Variants in ADAMTS16 observed in about 807,000 individuals in gnomAD.
The protein encoded by ADAMTS16 is A disintegrin and metalloproteinase with thrombospondin motifs 16.
ADAMTS16 carries 94 observed loss-of-function variants against 145.8 expected under a neutral mutation model. The observed-to-expected ratio is 0.64, with a 90% CI of 0.55 to 0.77. The LOEUF is 0.77. ADAMTS16 is among the 30% of genes least tolerant of loss of function. The pLI, the probability that ADAMTS16 is intolerant of heterozygous loss-of-function variation, is 0.00. For synonymous variants in ADAMTS16, 659 were observed against 604.3 expected (o/e 1.09, Z -1.33); for missense variants, 1,585 against 1,591.5 (o/e 1.00, Z 0.07).
chr5:5,198,196 C>T (rs566369030), intron 8 of ADAMTS16, among the ~76,000 whole-genome samples: 1 of 152,252 alleles, frequency 6.6e-6, no homozygotes, highest in Admixed American at 6.5e-5. Flanking sequence ...GGCCAGCCAG[C>T]GGAGGGTAGT....
At chr5:5,229,929 G>A (rs945103591) in intron 11 of ADAMTS16, among the ~76,000 whole-genome samples, 13 of 152,252 alleles carry the variant, frequency 8.5e-5, no homozygotes, top group African/African-American at 2.9e-4. Context: ...GAAGCTGATG[G>A]GGACCTTTGC....
At chr5:5,240,536 G>A (rs574221308) in intron 16 of ADAMTS16, among the ~76,000 whole-genome samples, 1 of 152,202 alleles carries the variant, frequency 6.6e-6, no homozygotes, top group Non-Finnish European at 1.5e-5. Context: ...GGCAGTGGAT[G>A]TTCTAACTCC....
At chr5:5,303,806 C>T (rs746808077) in intron 20 of ADAMTS16, 40 bp downstream of exon 20, 1 of 1,599,216 alleles carries the variant, frequency 6.3e-7, no homozygotes, top group Non-Finnish European at 8.5e-7. Flanking sequence ...TTGACTAGCT[C>T]TCCCCTCGGG....
At chr5:5,218,655 A>T (rs1736503995) in intron 10 of ADAMTS16, among the ~76,000 whole-genome samples, 1 of 152,162 alleles carries the variant, frequency 6.6e-6, no homozygotes, top group Non-Finnish European at 1.5e-5. Flanking sequence ...AAACTGGGTC[A>T]CCCCTGTGGC....
chr5:5,289,121 T>C (rs1739208009), intron 18 of ADAMTS16, among the ~76,000 whole-genome samples: 1 of 152,220 alleles, frequency 6.6e-6, no homozygotes, highest in Non-Finnish European at 1.5e-5. Context: ...TATGTCACCT[T>C]TCTGCACTTC....
At chr5:5,250,614 G>T (rs1470199254) in intron 17 of ADAMTS16, among the ~76,000 whole-genome samples, 1 of 152,208 alleles carries the variant, frequency 6.6e-6, no homozygotes. Flanking sequence ...GATGGATGGT[G>T]TGGTGGAGAG....
At chr5:5,189,896 T>C (rs1009020700) in intron 6 of ADAMTS16, 75 bp from the exon 7 acceptor site, 3 of 1,556,824 alleles carry the variant, frequency 1.9e-6, no homozygotes, top group African/African-American at 2.7e-5. Flanking sequence ...AATAATAGTT[T>C]GCTGTGATGA....
intron 18 of ADAMTS16, among the ~76,000 whole-genome samples, chr5:5,263,240 G>A (rs1173331256): frequency 6.6e-6 from 1 of 152,180 alleles, no homozygotes; most frequent in African/African-American, 2.4e-5. Context: ...GCCACAGAAA[G>A]CCAGGGCTCT....
rs189136964 is a variant in ADAMTS16, at chr5:5,245,410, G to A, written c.2662+3219G>A. Among the ~76,000 whole-genome samples, 695 of 152,244 alleles carry A rather than the reference G, an allele frequency of 4.6e-3. 11 individuals are homozygous for A. Among genetic ancestry groups the A allele is most frequent in the African/African-American group, 0.015 (644 of 41,556 alleles). On this transcript the variant is annotated intron_variant, in intron 17 of 22. Transcript: ENST00000274181. ...GATTATTGTTCTCATTTCTTAGAGG[G>A]TGAGGTCAATGCATCACCTGAAAAT...
chr5:5,239,603 G>T, intron 15 of ADAMTS16, 78 bp from the exon 16 acceptor site: 5 of 1,567,840 alleles, frequency 3.2e-6, no homozygotes, highest in Non-Finnish European at 4.3e-6. Context: ...TTTGTTTACC[G>T]AGGACTGGGG....
intron 18 of ADAMTS16, among the ~76,000 whole-genome samples, chr5:5,281,747 A>G (rs535114150): frequency 1.3e-5 from 2 of 152,354 alleles, no homozygotes; most frequent in Admixed American, 1.3e-4. Flanking sequence ...TGCTTAATCC[A>G]CTACCCTATT....
chr5:5,304,688 G>C (rs564230145), intron 20 of ADAMTS16, among the ~76,000 whole-genome samples: 1 of 152,210 alleles, frequency 6.6e-6, no homozygotes, highest in East Asian at 1.9e-4. Context: ...TTGAGACTCT[G>C]TTTCAGTTTG....
At chr5:5,307,688 C>T (rs921270132) in intron 21 of ADAMTS16, among the ~76,000 whole-genome samples, 3 of 152,204 alleles carry the variant, frequency 2.0e-5, no homozygotes, top group African/African-American at 7.2e-5. Context: ...TTTCTCTCTC[C>T]TATTAGCCCT....
rs1736574073 is a variant in ADAMTS16, at chr5:5,220,583, G to C, written c.1606-2206G>C. ...GCCACACGGCAGAGCCCTGAACGCA[G>C]ACGGAGACCTGTGCCATTGTCTCCT... On this transcript the variant is annotated intron_variant, in intron 10 of 22. Transcript: ENST00000274181. Among the ~76,000 whole-genome samples, 2 of 152,154 alleles carry C rather than the reference G, an allele frequency of 1.3e-5. 1 individual carries two copies. Among genetic ancestry groups the C allele is most frequent in the South Asian group, 4.1e-4 (2 of 4,830 alleles).
At chr5:5,144,645 A>T (rs917507203) in intron 2 of ADAMTS16, among the ~76,000 whole-genome samples, 4 of 152,138 alleles carry the variant, frequency 2.6e-5, no homozygotes, top group Non-Finnish European at 5.9e-5. Context: ...CGACTTTAGG[A>T]GGGTAGTGTC....
intron 8 of ADAMTS16, among the ~76,000 whole-genome samples, chr5:5,194,514 G>A (rs4702238): frequency 0.69 from 105,078 of 151,998 alleles, 36,525 homozygotes; most frequent in South Asian, 0.79. Flanking sequence ...GAATGGAGTC[G>A]GGGAATGAGT....
intron 9 of ADAMTS16, among the ~76,000 whole-genome samples, chr5:5,206,562 C>G (rs932808132): frequency 6.6e-6 from 1 of 150,886 alleles, no homozygotes. Flanking sequence ...TCACTGTGAC[C>G]TCTGCCTTCC....
intron 10 of ADAMTS16, among the ~76,000 whole-genome samples, chr5:5,213,563 T>C (rs1736334333): frequency 6.6e-6 from 1 of 152,218 alleles, no homozygotes; most frequent in South Asian, 2.1e-4. Flanking sequence ...TGTTATTACA[T>C]ATAAGGTGAG....
intron 6 of ADAMTS16, among the ~76,000 whole-genome samples, chr5:5,188,566 AGGAGCCAAGAG>A (rs1735574902): frequency 6.6e-6 from 1 of 152,204 alleles, no homozygotes; most frequent in South Asian, 2.1e-4. Flanking sequence ...GGTACTGGAC[AGGAGCCAAGAG>A]CCCAGCCTCA....
Sources: gnomAD v4.1 joint callset for allele counts (sites outside exome capture counted in the v4.1 genomes callset) on GRCh38, gnomAD v4.1.1 for gene constraint, MANE v1.5 for transcripts, NCBI Gene and HGNC (gene_info 2026-07-23, HGNC 2026-07-21) for gene names.